The following SYNE1 variants were observed in gnomAD, a reference collection of about 807,000 sequenced individuals.
The protein encoded by SYNE1 is nesprin-1.
Under a neutral mutation model 1,111.0 loss-of-function variants are expected in SYNE1, and 616 were observed. The ratio of observed to expected loss-of-function variants is 0.55; its 90% CI spans 0.52 to 0.59. SYNE1 has a LOEUF of 0.59. Among genes scored for constraint, SYNE1 ranks in the 20% least tolerant of loss-of-function variants. The pLI is 0.00. For missense variants in SYNE1, 10,006 were observed against 10,417.0 expected (o/e 0.96, Z 1.72); for synonymous variants, 3,855 against 3,825.8 (o/e 1.01, Z -0.28).
chr6:152,134,224 T>G (rs1290455764), intron 142 of SYNE1: 1 of 152,282 alleles, frequency 6.6e-6, no homozygotes, highest in Non-Finnish European at 1.5e-5. Context: ...TTGAATTTAG[T>G]GCTAGAAAAA....
chr6:152,232,237 T>C lies in SYNE1; in HGVS notation c.20741A>G (p.His6914Arg), dbSNP rs773155844. Residue 6914 changes from histidine (H) to arginine (R), a missense_variant, in exon 113 of 146, where the codon CAT (histidine) becomes CGT (arginine). His to Arg is a conservative substitution (Grantham distance 29). Transcript: ENST00000367255. ...CCAACTCATGACTTCAGAAATGGCA[T>C]GGCGGGAAGGCAGTTTATCCATCTG... ...QLQMDKLPSR[H>R]AISEVMSWIS... 3 of 1,613,930 alleles carry C rather than the reference T, an allele frequency of 1.9e-6. No homozygotes were observed. The highest frequency in any genetic ancestry group is 2.5e-6 in the Non-Finnish European group (3 of 1,179,966).
intron 3 of SYNE1, among the ~76,000 whole-genome samples, chr6:152,564,778 T>C (rs1248738736): frequency 6.6e-6 from 1 of 151,936 alleles, no homozygotes; most frequent in Non-Finnish European, 1.5e-5. Flanking sequence ...GGTCTAGGAG[T>C]GCAACAGATC....
chr6:152,612,132 G>C (rs1379701828), intron 3 of SYNE1, among the ~76,000 whole-genome samples: 2 of 151,152 alleles, frequency 1.3e-5, no homozygotes, highest in African/African-American at 2.4e-5. Context: ...CAGAAGGCAA[G>C]AAATAACTAA....
At chr6:152,302,286 C>G in intron 91 of SYNE1, 2 of 624,094 alleles carry the variant, frequency 3.2e-6, no homozygotes, top group East Asian at 2.8e-5. Context: ...GCCCGCGTCC[C>G]CGCGTCGGTA....
intron 119 of SYNE1, 76 bp from the exon 120 acceptor site, chr6:152,219,261 A>G (rs1012500524): frequency 1.5e-6 from 2 of 1,371,320 alleles, no homozygotes; most frequent in Non-Finnish European, 2.1e-6. Context: ...GCAAAGGGCT[A>G]CACATGTAGA....
chr6:152,481,384 T>C (rs1416105945), intron 14 of SYNE1: 2 of 278,232 alleles, frequency 7.2e-6, no homozygotes, highest in African/African-American at 2.2e-5. Flanking sequence ...TCAATAAATA[T>C]ACATTCTACA....
chr6:152,234,568 G>C, intron 111 of SYNE1, 100 bp downstream of exon 111: 2 of 1,406,628 alleles, frequency 1.4e-6, no homozygotes, highest in Non-Finnish European at 1.0e-6. Flanking sequence ...TGGGATTACA[G>C]GTGTGAGCCA....
chr6:152,298,994 G>C (rs2095035674), intron 93 of SYNE1, among the ~76,000 whole-genome samples: 1 of 152,158 alleles, frequency 6.6e-6, no homozygotes, highest in South Asian at 2.1e-4. Context: ...CTAGGGGAGA[G>C]GGGAAGAATT....
At chr6:152,393,244 C>T (rs550672752) in intron 51 of SYNE1, among the ~76,000 whole-genome samples, 20 of 152,150 alleles carry the variant, frequency 1.3e-4, no homozygotes, top group East Asian at 1.9e-4. Context: ...CTTTCTCTAA[C>T]GCAGTTTTGG....
chr6:152,263,094 C>A (rs6903292), intron 100 of SYNE1, among the ~76,000 whole-genome samples: 1 of 147,954 alleles, frequency 6.8e-6, no homozygotes, highest in African/African-American at 2.5e-5. Flanking sequence ...GTATAGGACA[C>A]GGAAAGATAG....
intron 42 of SYNE1, among the ~76,000 whole-genome samples, chr6:152,412,991 A>C (rs1351148558): frequency 6.6e-6 from 1 of 151,924 alleles, no homozygotes; most frequent in Non-Finnish European, 1.5e-5. Context: ...AGCTGGCATT[A>C]CAGGCACCCT....
chr6:152,495,765 A>C (rs758733301), intron 11 of SYNE1, among the ~76,000 whole-genome samples: 17 of 152,192 alleles, frequency 1.1e-4, no homozygotes, highest in Non-Finnish European at 2.1e-4. Flanking sequence ...AACCCTAGCC[A>C]ATAGGGGAAG....
At chr6:152,395,388 A>T in intron 51 of SYNE1, 128 bp downstream of exon 51, 1 of 926,174 alleles carries the variant, frequency 1.1e-6, no homozygotes, top group East Asian at 2.4e-5. Flanking sequence ...TATTCCAGAC[A>T]TTCAAGGACA....
chr6:152,409,412 C>T, intron 43 of SYNE1, 147 bp downstream of exon 43: 3 of 1,190,326 alleles, frequency 2.5e-6, no homozygotes, highest in Non-Finnish European at 3.6e-6. Context: ...AGAATGTCAG[C>T]ATTCCTAGGG....
intron 46 of SYNE1, chr6:152,402,485 C>T (rs372356639): frequency 1.3e-5 from 2 of 152,344 alleles, no homozygotes; most frequent in African/African-American, 4.8e-5. Context: ...CTCCAACTAA[C>T]TTTGAGGTGC....
chr6:152,275,487 C>A (rs1267113360), intron 98 of SYNE1, among the ~76,000 whole-genome samples: 3 of 152,096 alleles, frequency 2.0e-5, no homozygotes, highest in Non-Finnish European at 4.4e-5. Flanking sequence ...CTTTACATAC[C>A]AAATCTCTTT....
Position 152,395,581 on chromosome 6 carries a change from G to A in SYNE1, c.7647C>T (p.His2549=), listed in dbSNP as rs113163375. 223 of 1,614,078 alleles carry A rather than the reference G, an allele frequency of 1.4e-4. 1 individual carries two copies. The African/African-American group carries it at 2.2e-3, about 16-fold the overall frequency. The part of the protein sequence containing the change: ...NTENLGESKQ[H]IPEKKNEVHK... Reference sequence around the variant, plus strand: ...GAACTTCATTTTTCTTCTCAGGAATGTGCTGTTTACTCTCTCCCAAGTTTT... The same window carrying A: ...GAACTTCATTTTTCTTCTCAGGAATATGCTGTTTACTCTCTCCCAAGTTTT... The change falls in exon 51 of 146, where the codon CAC becomes CAT. Residue 2549 remains histidine (H), a synonymous_variant. Transcript: ENST00000367255.
intron 3 of SYNE1, chr6:152,546,556 A>G (rs1192651350): frequency 6.6e-6 from 1 of 152,214 alleles, no homozygotes; most frequent in Non-Finnish European, 1.5e-5. Context: ...AGACCTCTAC[A>G]CAAGGAAACT....
rs2097628215 is a variant in SYNE1, at chr6:152,391,505, C to A, written c.7776G>T (p.Gly2592=). The change falls in exon 52 of 146, where the codon GGG becomes GGT. Residue 2592 remains glycine (G), a synonymous_variant. Transcript: ENST00000367255. ...GCTGGGAACACAGGCGGCCCTCCTG[C>A]CCAGCACCGTGGCCTTCTTCACTCA... ...QLLSEEGHGA[G]QEGRLCSQLL... is the part of the protein sequence containing the mutation. The A allele has an allele frequency of 1.2e-6, 2 of 1,612,958 alleles. No homozygotes were observed. Among genetic ancestry groups the A allele is most frequent in the East Asian group, 2.2e-5 (1 of 44,820 alleles).
Sources: gnomAD v4.1 joint callset for allele counts (sites outside exome capture counted in the v4.1 genomes callset) on GRCh38, gnomAD v4.1.1 for gene constraint, MANE v1.5 for transcripts, NCBI Gene and HGNC (gene_info 2026-07-23, HGNC 2026-07-21) for gene names.